ANO2: variants seen among roughly 807,000 people sequenced by gnomAD.
ANO2 encodes anoctamin-2.
A neutral mutation model predicts 124.2 loss-of-function variants in ANO2; 101 were observed. The ratio of observed to expected loss-of-function variants is 0.81; its 90% confidence interval spans 0.69 to 0.96. The LOEUF (loss-of-function observed/expected upper bound fraction) is 0.96. Ranked by LOEUF, ANO2 falls within the 40% of genes least tolerant of loss-of-function variation. The probability of loss-of-function intolerance (pLI) is 0.00; values close to 1 mark genes in which losing one functional copy is unlikely to be tolerated. For synonymous variants in ANO2, 486 were observed against 482.5 expected, an observed-to-expected ratio of 1.01 and a Z score of -0.09; for missense variants, 1,293 against 1,274.5, an observed-to-expected ratio of 1.01 and a Z score of -0.22.
intron 3 of ANO2, among the ~76,000 whole-genome samples, chr12:5,864,607 T>A (rs748027695): frequency 5.3e-5 from 8 of 152,200 alleles, no homozygotes; most frequent in Non-Finnish European, 1.2e-4. Context: ...CTTCAGTGCC[T>A]GAGGAATGGA....
intron 16 of ANO2, among the ~76,000 whole-genome samples, chr12:5,634,481 G>C (rs188790751): frequency 6.6e-6 from 1 of 152,278 alleles, no homozygotes; most frequent in East Asian, 1.9e-4. Context: ...AAATACAATG[G>C]GACAGGGTCT....
rs561097897 is a variant in ANO2, at chr12:5,681,017, C to T, written c.1546-33216G>A. 8.3e-4 allele frequency among the ~76,000 whole-genome samples: 126 copies of T among 152,308 alleles called. 1 individual carries two copies. The highest frequency in any genetic ancestry group is 1.0e-3 in the Non-Finnish European group (68 of 68,024). On this transcript the variant is annotated intron_variant, in intron 14 of 24. Transcript: ENST00000682330. ...GAGACAAAAGCAGAATAAAGGGGAACATGGGTACTAGTTCCAGGCCCTGGT... is the reference window on the plus strand; with the variant it reads ...GAGACAAAAGCAGAATAAAGGGGAATATGGGTACTAGTTCCAGGCCCTGGT...
chr12:5,584,958 A>G (rs1943027461), intron 20 of ANO2, among the ~76,000 whole-genome samples: 1 of 152,168 alleles, frequency 6.6e-6, no homozygotes, highest in Admixed American at 6.5e-5. Flanking sequence ...AAATACGAAG[A>G]TGAGCAGATT....
At chr12:5,615,568 C>T (rs762952952) in intron 16 of ANO2, among the ~76,000 whole-genome samples, 1 of 152,130 alleles carries the variant, frequency 6.6e-6, no homozygotes, top group Non-Finnish European at 1.5e-5. Flanking sequence ...TGGTTTCACA[C>T]CGCCCTCCTC....
Position 5,768,130 on chromosome 12 carries a change from T to C in ANO2, c.1056-17160A>G, listed in dbSNP as rs147758151. On this transcript the variant is annotated intron_variant, in intron 10 of 24. Coordinates refer to ENST00000682330, the MANE Select transcript of ANO2 (RefSeq NM_001364791.2). ...TAAAGGACCTGTAATTTTCTAAGGG[T>C]GTTCTCTTGCAAACACTGTGCCCTA... 1.6e-3 allele frequency among the ~76,000 whole-genome samples: 249 copies of C among 152,260 alleles called. 1 individual carries two copies. The highest frequency in any genetic ancestry group is 5.8e-3 in the African/African-American group (242 of 41,558).
intron 11 of ANO2, among the ~76,000 whole-genome samples, chr12:5,748,395 C>T (rs1325877062): frequency 6.6e-6 from 1 of 152,138 alleles, no homozygotes; most frequent in Non-Finnish European, 1.5e-5. Context: ...TTAGAACACA[C>T]CCAGGCAAGC....
At chr12:5,752,411 G>A (rs1170853706) in intron 10 of ANO2, among the ~76,000 whole-genome samples, 1 of 152,202 alleles carries the variant, frequency 6.6e-6, no homozygotes, top group Non-Finnish European at 1.5e-5. Context: ...TAATAAGTGT[G>A]AAGTGATATC....
chr12:5,673,176 C>A (rs143086394), intron 14 of ANO2, among the ~76,000 whole-genome samples: 9 of 152,342 alleles, frequency 5.9e-5, no homozygotes, highest in Non-Finnish European at 1.0e-4. Flanking sequence ...AAGGGGCACA[C>A]TGAACCCCTT....
intron 3 of ANO2, among the ~76,000 whole-genome samples, chr12:5,878,023 C>T (rs1242852739): frequency 6.6e-6 from 1 of 152,204 alleles, no homozygotes; most frequent in South Asian, 2.1e-4. Flanking sequence ...AGCATTAATA[C>T]CTATGCAGCA....
At chr12:5,907,306 A>G (rs933601608) in intron 3 of ANO2, among the ~76,000 whole-genome samples, 23 of 152,248 alleles carry the variant, frequency 1.5e-4, no homozygotes, top group African/African-American at 5.5e-4. Context: ...AAAGTGAGCC[A>G]ATTTAACAAA....
At chr12:5,838,021 T>A (rs887240407) in intron 4 of ANO2, among the ~76,000 whole-genome samples, 1 of 151,916 alleles carries the variant, frequency 6.6e-6, no homozygotes, top group African/African-American at 2.4e-5. Flanking sequence ...TAAAAAATGA[T>A]AAAGGGGATA....
intron 10 of ANO2, among the ~76,000 whole-genome samples, chr12:5,775,833 C>T (rs1242930151): frequency 6.6e-6 from 1 of 152,120 alleles, no homozygotes; most frequent in African/African-American, 2.4e-5. Flanking sequence ...GAAACCCTTC[C>T]TACCTGAAGT....
intron 1 of ANO2, among the ~76,000 whole-genome samples, chr12:5,923,316 T>A (rs1293658614): frequency 6.7e-6 from 1 of 150,364 alleles, no homozygotes; most frequent in Non-Finnish European, 1.5e-5. Context: ...CAGGAGCTCC[T>A]TCGGATCATG....
chr12:5,928,711 C>T (rs1163101431), intron 1 of ANO2, among the ~76,000 whole-genome samples: 12 of 101,904 alleles, frequency 1.2e-4, no homozygotes, highest in African/African-American at 5.2e-4. Context: ...TTATTAGTCA[C>T]TTTCTTACCA....
At chr12:5,833,738 T>C (rs539123144) in intron 4 of ANO2, among the ~76,000 whole-genome samples, 5 of 143,418 alleles carry the variant, frequency 3.5e-5, no homozygotes, top group African/African-American at 1.2e-4. Flanking sequence ...GGGATCTAGG[T>C]TGCGTGTTAT....
intron 12 of ANO2, among the ~76,000 whole-genome samples, 190 bp downstream of exon 12, chr12:5,743,967 T>C (rs1400438938): frequency 6.6e-6 from 1 of 152,146 alleles, no homozygotes; most frequent in Non-Finnish European, 1.5e-5. Flanking sequence ...GATAAAGACA[T>C]GAAGGATATT....
At chr12:5,607,424 CT>C (rs34863392) in intron 19 of ANO2, among the ~76,000 whole-genome samples, 6,539 of 146,688 alleles carry the variant, frequency 0.045, 438 homozygotes, top group African/African-American at 0.15. Flanking sequence ...ACGTAAAAAC[CT>C]TTTTTTTTTT....
chr12:5,711,111 T>TCG (rs1336338214), intron 14 of ANO2, among the ~76,000 whole-genome samples: 1 of 149,454 alleles, frequency 6.7e-6, no homozygotes, highest in Non-Finnish European at 1.5e-5. Context: ...TGAGCAGAGA[T>TCG]CGCGCCACTG....
chr12:5,567,160 C>T (rs539275486), intron 23 of ANO2, among the ~76,000 whole-genome samples: 4 of 152,294 alleles, frequency 2.6e-5, no homozygotes, highest in South Asian at 4.2e-4. Context: ...TCTCCCTGCC[C>T]GACTCCCCCT....
Sources: gnomAD v4.1 joint callset for allele counts (sites outside exome capture counted in the v4.1 genomes callset) on GRCh38, gnomAD v4.1.1 for gene constraint, MANE v1.5 for transcripts, NCBI Gene and HGNC (gene_info 2026-07-23, HGNC 2026-07-21) for gene names.